EYS: variants seen among roughly 807,000 people sequenced by gnomAD.
EYS encodes EGF-like photoreceptor maintenance factor, also known as protein eyes shut homolog.
In EYS, 250 loss-of-function variants were observed where a neutral mutation model predicts 282.1. The ratio of observed to expected loss-of-function variants is 0.89; its 90% confidence interval spans 0.80 to 0.98. The LOEUF is 0.98. Among genes scored for constraint, EYS ranks in the 50% least tolerant of loss-of-function variants. The pLI is 0.00. For synonymous variants in EYS, 1,355 were observed against 1,282.9 expected, an observed-to-expected ratio of 1.06 and a Z score of -1.20; for missense variants, 4,016 against 3,709.0, an observed-to-expected ratio of 1.08 and a Z score of -2.15.
At chr6:64,753,790 T>C (rs895516423) in intron 22 of EYS, among the ~76,000 whole-genome samples, 2 of 151,924 alleles carry the variant, frequency 1.3e-5, no homozygotes, top group African/African-American at 4.8e-5. Flanking sequence ...TACCCAACAA[T>C]CACAGAATAT....
chr6:64,409,712 G>A (rs1188711394), intron 28 of EYS, among the ~76,000 whole-genome samples: 1 of 152,148 alleles, frequency 6.6e-6, no homozygotes, highest in Non-Finnish European at 1.5e-5. Context: ...TGAAACCTGA[G>A]TAAAGGTAAG....
chr6:64,503,966 T>C (rs1777132042), intron 26 of EYS, among the ~76,000 whole-genome samples: 1 of 152,200 alleles, frequency 6.6e-6, no homozygotes, highest in East Asian at 1.9e-4. Flanking sequence ...CACGGTAAGA[T>C]GTGACTTGCT....
intron 30 of EYS, among the ~76,000 whole-genome samples, chr6:64,241,130 G>A (rs941265656): frequency 2.6e-5 from 4 of 152,162 alleles, no homozygotes; most frequent in African/African-American, 9.7e-5. Context: ...TTGATGTGCT[G>A]CTGGATTAGG....
chr6:64,505,825 C>G (rs916769247), intron 26 of EYS, among the ~76,000 whole-genome samples: 8 of 152,196 alleles, frequency 5.3e-5, no homozygotes, highest in Non-Finnish European at 1.2e-4. Flanking sequence ...CAATTATCAA[C>G]ACTTATGATC....
At chr6:64,213,271 G>C (rs1765835306) in intron 31 of EYS, among the ~76,000 whole-genome samples, 2 of 143,460 alleles carry the variant, frequency 1.4e-5, no homozygotes, top group African/African-American at 5.1e-5. Flanking sequence ...TAAAACCATA[G>C]CAAATACATA....
chr6:65,033,001 G>T (rs925726878), intron 13 of EYS, among the ~76,000 whole-genome samples: 1 of 152,198 alleles, frequency 6.6e-6, no homozygotes, highest in African/African-American at 2.4e-5. Flanking sequence ...TGAAGCAAAG[G>T]TCACATGTGT....
At chr6:63,726,318 C>A (rs1181506854) in intron 42 of EYS, among the ~76,000 whole-genome samples, 1 of 152,116 alleles carries the variant, frequency 6.6e-6, no homozygotes, top group East Asian at 1.9e-4. Flanking sequence ...ATTTTGCAAA[C>A]TTTAATTCCA....
intron 32 of EYS, among the ~76,000 whole-genome samples, chr6:64,071,830 C>T (rs1324656873): frequency 6.6e-6 from 1 of 150,986 alleles, no homozygotes; most frequent in Non-Finnish European, 1.5e-5. Flanking sequence ...AAACCAAAAC[C>T]AACTCTGAGG....
At chr6:64,492,360 C>T (rs977496496) in intron 26 of EYS, among the ~76,000 whole-genome samples, 4 of 151,074 alleles carry the variant, frequency 2.6e-5, no homozygotes. Flanking sequence ...TTTTTAAGAA[C>T]GTGTTGTATG....
At chr6:64,001,890 T>C (rs1419762528) in intron 33 of EYS, among the ~76,000 whole-genome samples, 1 of 152,114 alleles carries the variant, frequency 6.6e-6, no homozygotes, top group East Asian at 1.9e-4. Context: ...AAGTGCTGGG[T>C]AGAGAAGGGC....
chr6:65,257,431 T>C (rs1455497379), intron 12 of EYS, among the ~76,000 whole-genome samples: 1 of 123,050 alleles, frequency 8.1e-6, no homozygotes, highest in Admixed American at 7.6e-5. Flanking sequence ...CTAATCCATC[T>C]TGAATTGATT....
chr6:65,399,861 A>G (rs1046413256), intron 7 of EYS, among the ~76,000 whole-genome samples: 2 of 151,956 alleles, frequency 1.3e-5, no homozygotes, highest in African/African-American at 4.8e-5. Context: ...TTTCAGCTCT[A>G]TATCTGTTTT....
intron 5 of EYS, among the ~76,000 whole-genome samples, chr6:65,427,431 T>C (rs1462996057): frequency 1.3e-5 from 2 of 152,104 alleles, no homozygotes; most frequent in Non-Finnish European, 2.9e-5. Flanking sequence ...TAGATTTGTT[T>C]CATAGTTAAT....
intron 28 of EYS, among the ~76,000 whole-genome samples, chr6:64,410,433 G>T (rs1390015254): frequency 6.6e-6 from 1 of 152,088 alleles, no homozygotes; most frequent in Non-Finnish European, 1.5e-5. Flanking sequence ...CATGTCCAAT[G>T]AGCCTTTTAC....
At chr6:64,314,441 T>G (rs1769856095) in intron 29 of EYS, among the ~76,000 whole-genome samples, 1 of 152,136 alleles carries the variant, frequency 6.6e-6, no homozygotes, top group Non-Finnish European at 1.5e-5. Flanking sequence ...AGTGGGAGAC[T>G]TTAACACGCC....
At chr6:64,191,132 C>T (rs66642136) in intron 31 of EYS, among the ~76,000 whole-genome samples, 46,625 of 151,780 alleles carry the variant, frequency 0.31, 7,236 homozygotes, top group East Asian at 0.5. Context: ...TATATATCTT[C>T]TTCCATTCTT....
chr6:64,815,236 T>G (rs909798006), intron 21 of EYS: 4 of 464,598 alleles, frequency 8.6e-6, no homozygotes, highest in Non-Finnish European at 1.7e-5. Context: ...AACGTGAACT[T>G]GTTAAGAAAA....
intron 26 of EYS, among the ~76,000 whole-genome samples, chr6:64,500,277 C>T (rs1464869758): frequency 1.3e-5 from 2 of 151,956 alleles, no homozygotes; most frequent in Non-Finnish European, 2.9e-5. Context: ...TCTTGTTTTA[C>T]TTATGTTGAA....
intron 12 of EYS, among the ~76,000 whole-genome samples, chr6:65,251,492 T>C (rs573514343): frequency 7.6e-4 from 115 of 151,988 alleles, no homozygotes; most frequent in African/African-American, 2.7e-3. Context: ...TATTTATTTG[T>C]GGGAAATATA....
Sources: gnomAD v4.1 joint callset for allele counts (sites outside exome capture counted in the v4.1 genomes callset) on GRCh38, gnomAD v4.1.1 for gene constraint, MANE v1.5 for transcripts, NCBI Gene and HGNC (gene_info 2026-07-23, HGNC 2026-07-21) for gene names.